MGAT4C: variants seen among roughly 807,000 people sequenced by gnomAD.
The protein encoded by MGAT4C is MGAT4 family member C.
Under a neutral mutation model 40.1 loss-of-function variants are expected in MGAT4C, and 19 were observed. The ratio of observed to expected loss-of-function variants is 0.47; its 90% CI spans 0.33 to 0.70. The LOEUF (loss-of-function observed/expected upper bound fraction) is 0.70. MGAT4C is among the 30% of genes least tolerant of loss of function. MGAT4C has a pLI of 0.02. For synonymous variants in MGAT4C, 181 were observed against 187.1 expected, an observed-to-expected ratio of 0.97 and a Z score of 0.27; for missense variants, 491 against 563.2, an observed-to-expected ratio of 0.87 and a Z score of 1.30.
At chr12:86,464,474 A>AG (rs371459876) in intron 2 of MGAT4C, among the ~76,000 whole-genome samples, 151,694 of 152,260 alleles carry the variant, frequency 1, 75,565 homozygotes, top group Middle Eastern at 1. Context: ...TTGTAACCTT[A>AG]TATTTGATTA....
chr12:85,961,810 G>A lies in MGAT4C; in HGVS notation c.*17479C>T, dbSNP rs1223432728. 6.6e-6 allele frequency: 1 copy of A among 151,820 alleles called. No homozygotes were observed. The highest frequency in any genetic ancestry group is 6.6e-5 in the Admixed American group (1 of 15,236). The allele number at this position is 151,820 out of a possible 1,614,324, so 9.4% of individuals were successfully genotyped here. A position where few individuals can be genotyped will look rare whatever the true frequency, so the allele number is the denominator to read the frequency against. ...ATAGATTAGCATAGTCAGGAGGCTT[G>A]GATTGGCAGCTATTAAATACAATTT... On this transcript the variant is annotated 3_prime_UTR_variant, in exon 5 of 5. Coordinates refer to ENST00000611864, the MANE Select transcript of MGAT4C (RefSeq NM_001351288.2).
intron 1 of MGAT4C, among the ~76,000 whole-genome samples, chr12:86,728,085 T>C (rs1950853005): frequency 6.6e-6 from 1 of 152,208 alleles, no homozygotes; most frequent in African/African-American, 2.4e-5. Context: ...ACTATATTTA[T>C]AAAATCATAT....
chr12:86,220,063 T>C (rs552071268), intron 1 of MGAT4C, among the ~76,000 whole-genome samples: 1 of 152,118 alleles, frequency 6.6e-6, no homozygotes, highest in Non-Finnish European at 1.5e-5. Flanking sequence ...CTGTAGCAAG[T>C]TCTTACCACC....
intron 2 of MGAT4C, among the ~76,000 whole-genome samples, chr12:86,532,058 T>C (rs1443199529): frequency 2.6e-5 from 4 of 151,952 alleles, no homozygotes; most frequent in Non-Finnish European, 5.9e-5. Context: ...GTTATCATAG[T>C]CATTTTTATA....
chr12:86,239,807 C>T (rs1037703339), intron 1 of MGAT4C, among the ~76,000 whole-genome samples: 7 of 144,612 alleles, frequency 4.8e-5, no homozygotes, highest in African/African-American at 1.8e-4. Context: ...TCCCTCTCTT[C>T]TCAGTGGAAC....
chr12:86,201,281 A>G (rs1038924512), intron 1 of MGAT4C, among the ~76,000 whole-genome samples: 6 of 152,010 alleles, frequency 3.9e-5, no homozygotes, highest in African/African-American at 1.2e-4. Flanking sequence ...CGATCACAGC[A>G]ACTTTGTTGA....
At chr12:86,171,458 T>G (rs1342878676) in intron 1 of MGAT4C, among the ~76,000 whole-genome samples, 1 of 152,168 alleles carries the variant, frequency 6.6e-6, no homozygotes, top group Non-Finnish European at 1.5e-5. Flanking sequence ...CACTGAAAAT[T>G]TGCATAGCAC....
intron 2 of MGAT4C, among the ~76,000 whole-genome samples, chr12:86,026,916 T>C (rs1376023251): frequency 4.6e-5 from 7 of 152,100 alleles, no homozygotes; most frequent in African/African-American, 1.7e-4. Flanking sequence ...GAAGCATTTG[T>C]GTATCGTACC....
At chr12:86,474,235 G>A (rs1565786021) in intron 2 of MGAT4C, among the ~76,000 whole-genome samples, 1 of 151,620 alleles carries the variant, frequency 6.6e-6, no homozygotes, top group Non-Finnish European at 1.5e-5. Context: ...CATGGATGAA[G>A]CTGGAAACTA....
At chr12:86,327,082 G>A (rs1363805775) in intron 4 of MGAT4C, among the ~76,000 whole-genome samples, 1 of 152,062 alleles carries the variant, frequency 6.6e-6, no homozygotes, top group Non-Finnish European at 1.5e-5. Flanking sequence ...TAATAGACAT[G>A]TAAGGACTAA....
intron 4 of MGAT4C, among the ~76,000 whole-genome samples, chr12:86,333,788 T>C (rs1162507293): frequency 6.6e-6 from 1 of 152,182 alleles, no homozygotes; most frequent in Non-Finnish European, 1.5e-5. Flanking sequence ...CATAAATACA[T>C]TGGAATAGCA....
At chr12:86,280,160 G>A (rs1428411019) in intron 4 of MGAT4C, among the ~76,000 whole-genome samples, 1 of 151,854 alleles carries the variant, frequency 6.6e-6, no homozygotes, top group Non-Finnish European at 1.5e-5. Context: ...TCAGTCAATT[G>A]GTCTATAGTG....
intron 2 of MGAT4C, among the ~76,000 whole-genome samples, chr12:86,561,080 C>T (rs923518143): frequency 6.6e-6 from 1 of 152,072 alleles, no homozygotes; most frequent in South Asian, 2.1e-4. Context: ...ATAAATTTAA[C>T]CAAGGAGGTG....
At chr12:86,235,874 G>A (rs1263292625) in intron 1 of MGAT4C, among the ~76,000 whole-genome samples, 1 of 151,980 alleles carries the variant, frequency 6.6e-6, no homozygotes, top group African/African-American at 2.4e-5. Flanking sequence ...AATAAAGTTG[G>A]TGTTAAATAA....
intron 2 of MGAT4C, among the ~76,000 whole-genome samples, chr12:86,624,681 T>G (rs1483869306): frequency 6.6e-6 from 1 of 152,038 alleles, no homozygotes; most frequent in Non-Finnish European, 1.5e-5. Flanking sequence ...GAATCTTTAG[T>G]TTCCCCACAT....
chr12:86,690,213 G>A (rs1950150726), intron 2 of MGAT4C, among the ~76,000 whole-genome samples: 1 of 152,160 alleles, frequency 6.6e-6, no homozygotes, highest in Non-Finnish European at 1.5e-5. Flanking sequence ...TGTGCTGGCA[G>A]CGGGAATTTC....
intron 2 of MGAT4C, chr12:86,016,573 C>T (rs1396883120): frequency 1.3e-5 from 2 of 152,166 alleles, no homozygotes; most frequent in Non-Finnish European, 2.9e-5. Flanking sequence ...TGAGTGGTAG[C>T]AGTCCTGTAT....
At chr12:86,652,661 G>T in intron 2 of MGAT4C, among the ~76,000 whole-genome samples, 1 of 151,728 alleles carries the variant, frequency 6.6e-6, no homozygotes, top group East Asian at 1.9e-4. Flanking sequence ...CTTAAACAAT[G>T]GTCAAATGAA....
intron 1 of MGAT4C, among the ~76,000 whole-genome samples, chr12:86,121,842 G>A (rs1478848849): frequency 6.6e-6 from 1 of 152,052 alleles, no homozygotes. Context: ...GTAACCAATT[G>A]TTCCCATTTA....
Sources: gnomAD v4.1 joint callset for allele counts (sites outside exome capture counted in the v4.1 genomes callset) on GRCh38, gnomAD v4.1.1 for gene constraint, MANE v1.5 for transcripts, NCBI Gene and HGNC (gene_info 2026-07-23, HGNC 2026-07-21) for gene names.